Variants in DDX42 observed in about 807,000 individuals in gnomAD.
The protein encoded by DDX42 is ATP-dependent RNA helicase DDX42.
In DDX42, 22 loss-of-function variants were observed where a neutral mutation model predicts 101.5. The ratio of observed to expected loss-of-function variants is 0.22; its 90% confidence interval spans 0.15 to 0.31. The LOEUF (loss-of-function observed/expected upper bound fraction) is 0.31, where lower values mean the gene tolerates loss of function less well. Ranked by LOEUF, DDX42 falls within the 10% of genes least tolerant of loss-of-function variation. The pLI is 1.00. For missense variants in DDX42, 849 were observed against 1,199.9 expected (o/e 0.71, Z 4.32); for synonymous variants, 402 against 401.2 (o/e 1.00, Z -0.02).
intron 8 of DDX42, 107 bp from the exon 9 acceptor site, chr17:63,807,617 C>A: frequency 9.7e-7 from 1 of 1,032,960 alleles, no homozygotes; most frequent in Non-Finnish European, 1.4e-6. Flanking sequence ...ATGTTTTGTT[C>A]CATTGCAAAT....
intron 11 of DDX42, among the ~76,000 whole-genome samples, chr17:63,809,957 A>T (rs1598340858): frequency 6.6e-6 from 1 of 152,222 alleles, no homozygotes; most frequent in Admixed American, 6.5e-5. Context: ...GTTCTTGGGT[A>T]GATGAATGTC....
At chr17:63,805,751 C>A (rs1006751062) in intron 7 of DDX42, 5 of 152,340 alleles carry the variant, frequency 3.3e-5, no homozygotes, top group African/African-American at 1.2e-4. Flanking sequence ...AACTTTCTCG[C>A]CTGTGTGCAC....
intron 3 of DDX42, among the ~76,000 whole-genome samples, chr17:63,794,635 TAAAA>T (rs199814562): frequency 4.8e-5 from 7 of 145,344 alleles, no homozygotes; most frequent in African/African-American, 1.8e-4. Flanking sequence ...ACCCTGTCTA[TAAAA>T]AAAAAAAAAA....
chr17:63,780,356 A>G (rs569683827), intron 1 of DDX42, among the ~76,000 whole-genome samples: 1 of 152,152 alleles, frequency 6.6e-6, no homozygotes, highest in African/African-American at 2.4e-5. Context: ...GTAATGATCC[A>G]TTGAGGATGA....
intron 3 of DDX42, among the ~76,000 whole-genome samples, chr17:63,797,460 C>G (rs1222504192): frequency 6.6e-6 from 1 of 151,686 alleles, no homozygotes; most frequent in Non-Finnish European, 1.5e-5. Context: ...ACAGAATTTT[C>G]AGCCTTGAGA....
intron 3 of DDX42, among the ~76,000 whole-genome samples, chr17:63,796,365 A>G (rs963044105): frequency 1.3e-5 from 2 of 152,178 alleles, no homozygotes; most frequent in African/African-American, 4.8e-5. Context: ...GCTGGAATGC[A>G]ATGGCTCAGT....
chr17:63,799,754 T>C, intron 5 of DDX42, 129 bp downstream of exon 5: 1 of 917,560 alleles, frequency 1.1e-6, no homozygotes, highest in South Asian at 2.0e-5. Flanking sequence ...TTTGATTTGC[T>C]CCTTTTGTAC....
At chr17:63,817,581 C>A in intron 17 of DDX42, 113 bp from the exon 18 acceptor site, 1 of 1,045,166 alleles carries the variant, frequency 9.6e-7, no homozygotes, top group Non-Finnish European at 1.4e-6. Context: ...ACACTAAACT[C>A]ACAGTGCCAG....
chr17:63,794,936 A>C (rs200637070), intron 3 of DDX42, among the ~76,000 whole-genome samples: 2 of 55,110 alleles, frequency 3.6e-5, no homozygotes, highest in African/African-American at 1.4e-4. Flanking sequence ...ACTCCATCTT[A>C]AAAAAAAAAA....
At chr17:63,786,177 T>C (rs972280310) in intron 1 of DDX42, among the ~76,000 whole-genome samples, 1 of 152,226 alleles carries the variant, frequency 6.6e-6, no homozygotes, top group Non-Finnish European at 1.5e-5. Context: ...TTAGAAAATA[T>C]AATCATTTGT....
Position 63,799,540 on chromosome 17 carries a change from G to A in DDX42, c.435-49G>A, listed in dbSNP as rs199882247. 3.1e-6 allele frequency: 5 copies of A among 1,608,022 alleles called. No homozygotes were observed. The South Asian group carries it at 4.4e-5, about 14-fold the overall frequency. ...TAATCTGCTGTAAGTATGGAGCTGG[G>A]TATGTGGAACATTTGCAGGGAAGTT... On this transcript the variant is annotated intron_variant, in intron 4 of 17. Transcript: ENST00000389924.
Position 63,810,559 on chromosome 17 carries a change from G to A in DDX42, c.1299G>A (p.Gln433=). The A allele has an allele frequency of 6.2e-7, 1 of 1,614,082 alleles. No homozygotes were observed. Among genetic ancestry groups the A allele is most frequent in the Non-Finnish European group, 8.5e-7 (1 of 1,180,000 alleles). Residue 433 remains glutamine (Q), a splice_region_variant and synonymous_variant, in exon 12 of 18, where the codon CAG becomes CAA. Transcript: ENST00000389924. ...SIASHVRPDR[Q]TLLFSATFRK... is the part of the protein sequence containing the mutation. Reference sequence around the variant, plus strand: ...CAAGTCATGTTCGTCCTGACAGGCAGAGTATGTATGAAGCACCTTTGTTAA... The same window carrying A: ...CAAGTCATGTTCGTCCTGACAGGCAAAGTATGTATGAAGCACCTTTGTTAA...
At chr17:63,800,438 G>A in intron 5 of DDX42, 30 bp from the exon 6 acceptor site, 1 of 1,606,506 alleles carries the variant, frequency 6.2e-7, no homozygotes, top group African/African-American at 1.3e-5. Context: ...TTGTACTTGG[G>A]TGTGATTATG....
In DDX42 at chr17:63,815,384, A is replaced by AT. The variant is rs1179177415; in HGVS notation, c.1903-177dup. Among the ~76,000 whole-genome samples, 3 of 152,176 alleles carry AT rather than the reference A, an allele frequency of 2.0e-5. No homozygotes were observed. In the South Asian group the frequency reaches 6.2e-4, roughly 32 times the overall value. On this transcript the variant is annotated intron_variant, in intron 15 of 17. Coordinates refer to ENST00000389924, the MANE Select transcript of DDX42 (RefSeq NM_203499.3). ...CTCAGCCACTTTTCAAATTTGGTGG[A>AT]TTATGCTACCAAAGAGAAACCAATC...
At position 63,818,658 on chromosome 17, in the gene DDX42, T is replaced by C. The variant is rs1222783212; in HGVS notation, c.*260T>C. 7.1e-6 allele frequency: 3 copies of C among 423,168 alleles called. No homozygotes were observed. The highest frequency in any genetic ancestry group is 3.8e-5 in the Admixed American group (1 of 26,442). The allele number at this position is 423,168 out of a possible 1,614,324, so 26.2% of individuals were successfully genotyped here. A position where few individuals can be genotyped will look rare whatever the true frequency, so the allele number is the denominator to read the frequency against. On this transcript the variant is annotated 3_prime_UTR_variant, in exon 18 of 18. Coordinates refer to ENST00000389924, the MANE Select transcript of DDX42 (RefSeq NM_203499.3). ...GAGTTGTCATGTGGGTAAGTTGAGG[T>C]TATCTTGGGATAAAGGGTCTTCTAG...
At chr17:63,780,024 C>T (rs1046850656) in intron 1 of DDX42, among the ~76,000 whole-genome samples, 7 of 152,180 alleles carry the variant, frequency 4.6e-5, no homozygotes, top group African/African-American at 9.6e-5. Context: ...CTGCCGGGCA[C>T]GGTGGCTCAC....
In DDX42 at chr17:63,818,227, T is replaced by C. The variant is rs754322933; in HGVS notation, c.2646T>C (p.Asn882=). ...ACCGGGGTGCAAATGATGGTCGGAA[T>C]GGGGAAAGCAGGAAAGAAGCTTTTA... ...GENRGANDGR[N]GESRKEAFNR... The change falls in exon 18 of 18, where the codon AAT becomes AAC. Residue 882 remains asparagine, a synonymous_variant. Transcript: ENST00000389924. 2.5e-6 allele frequency: 4 copies of C among 1,613,568 alleles called. No individual in the cohort carries two copies. Among genetic ancestry groups the C allele is most frequent in the Non-Finnish European group, 3.4e-6 (4 of 1,179,964 alleles).
chr17:63,810,661 C>G lies in DDX42; in HGVS notation c.1300+101C>G, dbSNP rs2039899139. 2.5e-6 allele frequency: 3 copies of G among 1,189,468 alleles called. No homozygotes were observed. In the Admixed American group the frequency reaches 5.3e-5, roughly 21 times the overall value. The allele number at this position is 1,189,468 out of a possible 1,614,324, so 73.7% of individuals were successfully genotyped here. A position where few individuals can be genotyped will look rare whatever the true frequency, so the allele number is the denominator to read the frequency against. On this transcript the variant is annotated intron_variant, in intron 12 of 17. Coordinates refer to ENST00000389924, the MANE Select transcript of DDX42 (RefSeq NM_203499.3). ...TATGGAAGTAAAAATGATCTTGTGT[C>G]TGTTGGTGAGAACCATAATAAGGGA...
intron 1 of DDX42, chr17:63,776,076 G>A (rs2039417488): frequency 6.6e-6 from 1 of 152,216 alleles, no homozygotes; most frequent in African/African-American, 2.4e-5. Context: ...CAAAGTATAT[G>A]TAGAGTAGAT....
Sources: allele counts gnomAD v4.1 joint callset (sites outside exome capture counted in the v4.1 genomes callset), GRCh38; gene constraint gnomAD v4.1.1; transcripts MANE v1.5; gene names NCBI Gene and HGNC (gene_info 2026-07-23, HGNC 2026-07-21).